CAMK1D: variants seen among roughly 807,000 people sequenced by gnomAD.
CAMK1D encodes the protein calcium/calmodulin-dependent protein kinase type 1D.
Under a neutral mutation model 47.7 loss-of-function variants are expected in CAMK1D, and 9 were observed. The observed-to-expected ratio is 0.19, with a 90% CI of 0.11 to 0.33. CAMK1D has a LOEUF of 0.33. CAMK1D is among the 10% of genes least tolerant of loss of function. The pLI is 1.00. For missense variants in CAMK1D, 291 were observed against 488.7 expected, an observed-to-expected ratio of 0.60 and a Z score of 3.81; for synonymous variants, 184 against 184.9, an observed-to-expected ratio of 0.99 and a Z score of 0.04.
chr10:12,734,393 T>TAG lies in CAMK1D; in HGVS notation c.300-26554_300-26553insGA, dbSNP rs1296830111. 8.0e-3 allele frequency among the ~76,000 whole-genome samples: 241 copies of TAG among 30,202 alleles called. 10 individuals carry two copies. The highest frequency in any genetic ancestry group is 0.036 in the South Asian group (28 of 788). The allele number at this position is 30,202 out of a possible 152,430, so 19.8% of individuals were successfully genotyped here. ...ATATATATATAGATATAGATATAGA[T>TAG]ATATATATATATACACACACACACA... On this transcript the variant is annotated intron_variant, in intron 3 of 10. Transcript: ENST00000619168.
rs780203500 is a variant in CAMK1D at position 12,814,277 on chromosome 10, T to A, written c.724T>A (p.Ser242Thr). The part of the protein sequence containing the change: ...QILKAEYEFD[S>T]PYWDDISDSA... Reference sequence around the variant, plus strand: ...CCTCAAGGCGGAATATGAGTTTGACTCTCCCTACTGGGATGACATCTCCGA... The same window carrying A: ...CCTCAAGGCGGAATATGAGTTTGACACTCCCTACTGGGATGACATCTCCGA... Residue 242 changes from serine to threonine, a missense_variant, in exon 7 of 11, where the codon TCT (serine) becomes ACT (threonine). Physicochemically the swap from Ser to Thr is moderately conservative, Grantham distance 58. This residue lies in a region of CAMK1D where 219 missense variants were observed against 424.3 expected (regional missense o/e 0.52). Transcript: ENST00000619168. The A allele has an allele frequency of 6.2e-7, 1 of 1,613,350 alleles. No individual in the cohort carries two copies. The highest frequency in any genetic ancestry group is 8.5e-7 in the Non-Finnish European group (1 of 1,179,352).
At chr10:12,564,145 CTG>C (rs779692554) in intron 2 of CAMK1D, among the ~76,000 whole-genome samples, 6,776 of 98,706 alleles carry the variant, frequency 0.069, 278 homozygotes, top group East Asian at 0.27. Flanking sequence ...CTCTCTCTCT[CTG>C]TCTCTCTCTC....
intron 2 of CAMK1D, among the ~76,000 whole-genome samples, chr10:12,583,566 G>A (rs1564427084): frequency 6.6e-6 from 1 of 150,852 alleles, no homozygotes; most frequent in Non-Finnish European, 1.5e-5. Flanking sequence ...CCCCTTTGAC[G>A]TTTCTTTGGT....
intron 2 of CAMK1D, among the ~76,000 whole-genome samples, chr10:12,605,166 A>G (rs558540276): frequency 9.9e-4 from 150 of 152,256 alleles, no homozygotes; most frequent in Non-Finnish European, 1.8e-3. Context: ...GATTAGAGGC[A>G]TGAGCCACCG....
At chr10:12,462,259 A>G (rs1033470914) in intron 1 of CAMK1D, among the ~76,000 whole-genome samples, 1 of 139,928 alleles carries the variant, frequency 7.1e-6, no homozygotes, top group Non-Finnish European at 1.5e-5. Context: ...TTCGCCTCCC[A>G]GGTTCAAGCA....
At chr10:12,783,033 C>T (rs1233407886) in intron 5 of CAMK1D, among the ~76,000 whole-genome samples, 4 of 146,012 alleles carry the variant, frequency 2.7e-5, no homozygotes, top group Non-Finnish European at 5.9e-5. Flanking sequence ...TGCTCTGTTG[C>T]CCAGGCTAGA....
intron 1 of CAMK1D, among the ~76,000 whole-genome samples, chr10:12,392,272 A>G (rs1446206001): frequency 6.6e-6 from 1 of 152,206 alleles, no homozygotes; most frequent in Non-Finnish European, 1.5e-5. Context: ...ATTGCACTCC[A>G]GCCTGGGTGA....
At chr10:12,451,001 C>T (rs986521254) in intron 1 of CAMK1D, among the ~76,000 whole-genome samples, 2 of 152,106 alleles carry the variant, frequency 1.3e-5, no homozygotes, top group Non-Finnish European at 2.9e-5. Context: ...TAGACCTGCC[C>T]GCCATGTAAG....
chr10:12,663,396 A>G (rs141968196), intron 2 of CAMK1D, among the ~76,000 whole-genome samples: 14 of 152,316 alleles, frequency 9.2e-5, no homozygotes, highest in African/African-American at 3.4e-4. Context: ...TATTGTAGGA[A>G]GACTGGTCAG....
chr10:12,800,230 G>A (rs545725991), intron 6 of CAMK1D, among the ~76,000 whole-genome samples: 2 of 152,256 alleles, frequency 1.3e-5, no homozygotes, highest in South Asian at 4.1e-4. Flanking sequence ...AACGATTCAG[G>A]TCTCATTGGC....
chr10:12,413,607 T>C (rs908265897), intron 1 of CAMK1D, among the ~76,000 whole-genome samples: 1 of 152,252 alleles, frequency 6.6e-6, no homozygotes, highest in South Asian at 2.1e-4. Flanking sequence ...GTGATGATGA[T>C]GGTGATGCTA....
chr10:12,438,228 C>T (rs368737009), intron 1 of CAMK1D, among the ~76,000 whole-genome samples: 51 of 152,278 alleles, frequency 3.3e-4, no homozygotes, highest in South Asian at 1.9e-3. Flanking sequence ...TGTCTGAAGT[C>T]GTGGGTCCTT....
At chr10:12,521,571 G>A (rs1012248080) in intron 1 of CAMK1D, among the ~76,000 whole-genome samples, 1 of 152,112 alleles carries the variant, frequency 6.6e-6, no homozygotes, top group African/African-American at 2.4e-5. Flanking sequence ...TTTGTGTTCT[G>A]CCATTAGTGA....
At chr10:12,808,111 C>T (rs1838819912) in intron 6 of CAMK1D, among the ~76,000 whole-genome samples, 2 of 152,176 alleles carry the variant, frequency 1.3e-5, no homozygotes, top group South Asian at 2.1e-4. Flanking sequence ...CCACTCCTGC[C>T]GGCAGCCCAC....
intron 3 of CAMK1D, among the ~76,000 whole-genome samples, chr10:12,703,271 C>A (rs1201406372): frequency 1.3e-5 from 2 of 152,194 alleles, no homozygotes; most frequent in Non-Finnish European, 2.9e-5. Context: ...ACTGTGGTGC[C>A]ATTCCTATTG....
chr10:12,801,250 C>CATCCATCCATCT (rs1838419580), intron 6 of CAMK1D, among the ~76,000 whole-genome samples: 1 of 136,588 alleles, frequency 7.3e-6, no homozygotes. Context: ...TCCATCCATC[C>CATCCATCCATCT]ATCCATCCAT....
chr10:12,533,255 C>G (rs75688292), intron 1 of CAMK1D, among the ~76,000 whole-genome samples: 1 of 152,144 alleles, frequency 6.6e-6, no homozygotes, highest in African/African-American at 2.4e-5. Context: ...CCCTTTCTGA[C>G]GGCACCACTT....
At chr10:12,485,106 C>T (rs999409716) in intron 1 of CAMK1D, among the ~76,000 whole-genome samples, 4 of 152,180 alleles carry the variant, frequency 2.6e-5, no homozygotes, top group African/African-American at 7.2e-5. Context: ...GCTCCCCATA[C>T]GGGTATTTCT....
In CAMK1D at chr10:12,551,144, G is replaced by A. The variant is rs184371040; in HGVS notation, c.93-2081G>A. On this transcript the variant is annotated intron_variant, in intron 1 of 10. Transcript: ENST00000619168. ...TGCCACACAGCAAGAGGTGAACAGC[G>A]GGCAAGCAAGCAAAGCTTCATCTGT... Among the ~76,000 whole-genome samples the A allele has an allele frequency of 2.7e-4, 41 of 152,320 alleles. No homozygotes were observed. In the South Asian group the frequency reaches 3.7e-3, roughly 14 times the overall value.
Sources: allele counts gnomAD v4.1 joint callset (sites outside exome capture counted in the v4.1 genomes callset), GRCh38; gene constraint gnomAD v4.1.1; regional missense constraint gnomAD v4.1.1; transcripts MANE v1.5; gene names NCBI Gene and HGNC (gene_info 2026-07-23, HGNC 2026-07-21).